Variants in ARHGAP10 observed in about 807,000 individuals in gnomAD.
The protein encoded by ARHGAP10 is rho GTPase-activating protein 10.
A neutral mutation model predicts 108.6 loss-of-function variants in ARHGAP10; 87 were observed. The observed-to-expected ratio is 0.80, with a 90% CI of 0.67 to 0.96. The LOEUF (loss-of-function observed/expected upper bound fraction) is 0.96, where lower values mean the gene tolerates loss of function less well. Ranked by LOEUF, ARHGAP10 falls within the 40% of genes least tolerant of loss-of-function variation. ARHGAP10 has a pLI of 0.00. For synonymous variants in ARHGAP10, 347 were observed against 341.1 expected (o/e 1.02, Z -0.19); for missense variants, 939 against 954.5 (o/e 0.98, Z 0.21).
rs528986317 is a variant in ARHGAP10 at position 147,758,434 on chromosome 4, A to C, written c.154+25979A>C. Among the ~76,000 whole-genome samples the C allele has an allele frequency of 4.6e-5, 7 of 152,322 alleles. No homozygotes were observed. In the South Asian group the frequency reaches 1.4e-3, roughly 32 times the overall value. On this transcript the variant is annotated intron_variant, in intron 1 of 22. Coordinates refer to ENST00000336498, the MANE Select transcript of ARHGAP10 (RefSeq NM_024605.4). ...ATGGCTTTTAGTGTAGTCACAGATT[A>C]GTGCAGCCATCACCACAGTCAATTT...
chr4:147,889,979 A>G (rs921535438), intron 10 of ARHGAP10, among the ~76,000 whole-genome samples: 4 of 152,252 alleles, frequency 2.6e-5, no homozygotes, highest in Non-Finnish European at 5.9e-5. Context: ...TCTCTCGAGC[A>G]TAGTTTACTT....
At position 147,909,739 on chromosome 4, in the gene ARHGAP10, A is replaced by G. The variant is rs778321642; in HGVS notation, c.1124A>G (p.His375Arg). The change falls in exon 12 of 23, where the codon CAT (histidine) becomes CGT (arginine). Residue 375 changes from histidine (H) to arginine (R), a missense_variant. His to Arg is a conservative substitution (Grantham distance 29). Transcript: ENST00000336498. ...EALGGKEALS[H>R]SFNTAIIPRP... is the part of the protein sequence containing the mutation. Reference sequence around the variant, plus strand: ...TCCATTCTCTTTTATTAGCTGTCCCATAGTTTTAATACAGCCATCATCCCA... The same window carrying G: ...TCCATTCTCTTTTATTAGCTGTCCCGTAGTTTTAATACAGCCATCATCCCA... 1 of 1,611,684 alleles carries G rather than the reference A, an allele frequency of 6.2e-7. No individual in the cohort carries two copies. Among genetic ancestry groups the G allele is most frequent in the South Asian group, 1.1e-5 (1 of 90,886 alleles).
chr4:148,001,685 G>A (rs1294088373), intron 18 of ARHGAP10, among the ~76,000 whole-genome samples: 6 of 151,666 alleles, frequency 4.0e-5, no homozygotes, highest in Admixed American at 2.6e-4. Flanking sequence ...ATTGTGAATG[G>A]GAGTTCACTC....
rs1003735385 is a variant in ARHGAP10, at chr4:147,993,793, G to A, written c.1716+26954G>A. On this transcript the variant is annotated intron_variant, in intron 18 of 22. Transcript: ENST00000336498. Reference sequence around the variant, plus strand: ...GTAGTAGGCCTGCAGAGGATATAATGGATATAATTATGAAATACAAAACTC... The same window carrying A: ...GTAGTAGGCCTGCAGAGGATATAATAGATATAATTATGAAATACAAAACTC... Among the ~76,000 whole-genome samples the A allele has an allele frequency of 2.0e-5, 3 of 152,192 alleles. No homozygotes were observed. The South Asian group carries it at 6.2e-4, about 31-fold the overall frequency.
Position 147,939,879 on chromosome 4 carries a change from G to C in ARHGAP10, c.1283G>C (p.Arg428Thr). 2.5e-6 allele frequency: 4 copies of C among 1,613,934 alleles called. No individual in the cohort carries two copies. The highest frequency in any genetic ancestry group is 3.4e-6 in the Non-Finnish European group (4 of 1,179,900). Residue 428 changes from arginine (R) to threonine (T), a missense_variant, in exon 14 of 23, where the codon AGA (arginine) becomes ACA (threonine). Arg to Thr is a moderately conservative substitution (Grantham distance 71). Coordinates refer to ENST00000336498, the MANE Select transcript of ARHGAP10 (RefSeq NM_024605.4). ...GTGGGGGTGAGTTCAAAGGTCCAGA[G>C]ACTTCTGAGTATGTTGATGGGTATG... ...RVVGVSSKVQ[R>T]LLSMLMDVKT...
chr4:147,848,346 G>A (rs894166932), intron 4 of ARHGAP10, among the ~76,000 whole-genome samples: 1 of 152,252 alleles, frequency 6.6e-6, no homozygotes, highest in East Asian at 1.9e-4. Flanking sequence ...ATCATTGGGG[G>A]CACCACCCCA....
Position 147,966,802 on chromosome 4 carries a change from A to G in ARHGAP10, c.1679A>G (p.Asn560Ser). The G allele has an allele frequency of 6.3e-7, 1 of 1,590,942 alleles. No homozygotes were observed. The highest frequency in any genetic ancestry group is 1.1e-5 in the South Asian group (1 of 87,012). Residue 560 changes from asparagine to serine, a missense_variant, in exon 18 of 23, where the codon AAT becomes AGT. Physicochemically the swap from Asn to Ser is conservative, Grantham distance 46. Transcript: ENST00000336498. The stretch of plus-strand genomic sequence containing the variant: ...GCCCTCATGGACTTGAAGTTTCAGA[A>G]TATTGTTGTGGAAATCTTAATTGAA... ...VAALMDLKFQ[N>S]IVVEILIENH...
At chr4:148,003,338 T>C (rs541501343) in intron 18 of ARHGAP10, among the ~76,000 whole-genome samples, 1 of 152,360 alleles carries the variant, frequency 6.6e-6, no homozygotes, top group East Asian at 1.9e-4. Context: ...CTTCCAACTA[T>C]GTGGTCAGTT....
At chr4:147,958,067 C>T (rs936944827) in intron 16 of ARHGAP10, among the ~76,000 whole-genome samples, 6 of 152,064 alleles carry the variant, frequency 3.9e-5, no homozygotes, top group Non-Finnish European at 5.9e-5. Flanking sequence ...ATTTATAAGA[C>T]GAAAATGTAG....
At chr4:147,757,448 G>A (rs1319003274) in intron 1 of ARHGAP10, among the ~76,000 whole-genome samples, 1 of 152,186 alleles carries the variant, frequency 6.6e-6, no homozygotes, top group East Asian at 1.9e-4. Context: ...TGCCCGCCTC[G>A]GCCTTCCAAA....
rs554452707 is a variant in ARHGAP10, at chr4:148,046,563, C to A, written c.1868-329C>A. ...CACAGGGCTGGTGTGCTGCTTGGAG[C>A]TATTCTTGATTTCATTGGTTTATAC... On this transcript the variant is annotated intron_variant, in intron 19 of 22. Coordinates refer to ENST00000336498, the MANE Select transcript of ARHGAP10 (RefSeq NM_024605.4). 1.1e-4 allele frequency among the ~76,000 whole-genome samples: 17 copies of A among 152,250 alleles called. No individual in the cohort carries two copies. The South Asian group carries it at 3.5e-3, about 32-fold the overall frequency.
intron 1 of ARHGAP10, among the ~76,000 whole-genome samples, chr4:147,798,018 G>A (rs1277177143): frequency 6.6e-6 from 1 of 152,040 alleles, no homozygotes; most frequent in African/African-American, 2.4e-5. Context: ...ACCAAGAATT[G>A]TGACTGATGC....
At chr4:148,000,673 A>G (rs370953588) in intron 18 of ARHGAP10, among the ~76,000 whole-genome samples, 7 of 152,228 alleles carry the variant, frequency 4.6e-5, no homozygotes, top group African/African-American at 7.2e-5. Context: ...TTCTCTGATG[A>G]CCAGTGATGA....
chr4:147,909,619 C>A, intron 11 of ARHGAP10, 113 bp from the exon 12 acceptor site: 1 of 870,964 alleles, frequency 1.1e-6, no homozygotes. Flanking sequence ...TCACATTAAC[C>A]AGAATCAAGC....
intron 1 of ARHGAP10, among the ~76,000 whole-genome samples, chr4:147,738,559 C>A (rs537529944): frequency 1.4e-3 from 214 of 150,614 alleles, no homozygotes; most frequent in South Asian, 3.6e-3. Context: ...TCTCCCCCCC[C>A]CAAAAAAAAT....
At position 147,958,638 on chromosome 4, in the gene ARHGAP10, T is replaced by G. The variant is rs190346832; in HGVS notation, c.1450+3264T>G. Among the ~76,000 whole-genome samples the G allele has an allele frequency of 1.8e-3, 268 of 152,342 alleles. 1 individual carries two copies. The highest frequency in any genetic ancestry group is 6.1e-3 in the African/African-American group (252 of 41,580). Reference sequence around the variant, plus strand: ...CTCCCTCTTAGCTTGATGTATTCATTTCACGGTAGATACGAATGCCACAGG... The same window carrying G: ...CTCCCTCTTAGCTTGATGTATTCATGTCACGGTAGATACGAATGCCACAGG... On this transcript the variant is annotated intron_variant, in intron 16 of 22. Transcript: ENST00000336498.
chr4:148,061,948 G>T (rs1729639016), intron 20 of ARHGAP10, among the ~76,000 whole-genome samples: 1 of 152,158 alleles, frequency 6.6e-6, no homozygotes, highest in Non-Finnish European at 1.5e-5. Flanking sequence ...AGGCCACAGG[G>T]GGAGTATTGG....
At chr4:147,966,862 G>A (rs1176420512) in intron 18 of ARHGAP10, 23 bp downstream of exon 18, 6 of 1,538,196 alleles carry the variant, frequency 3.9e-6, no homozygotes, top group African/African-American at 1.4e-5. Flanking sequence ...TTTTCTTTAA[G>A]AGACTTTGTT....
chr4:147,905,366 G>A (rs1221653365), intron 10 of ARHGAP10, among the ~76,000 whole-genome samples: 28 of 145,788 alleles, frequency 1.9e-4, no homozygotes, highest in Admixed American at 8.3e-4. Context: ...ATGGTTTTAG[G>A]TCTAACATTT....
Sources: gnomAD v4.1 joint callset for allele counts (sites outside exome capture counted in the v4.1 genomes callset) on GRCh38, gnomAD v4.1.1 for gene constraint, MANE v1.5 for transcripts, NCBI Gene and HGNC (gene_info 2026-07-23, HGNC 2026-07-21) for gene names.